DNAH11: variants seen among roughly 807,000 people sequenced by gnomAD.
DNAH11 encodes axonemal beta dynein heavy chain 11.
Under a neutral mutation model 526.0 loss-of-function variants are expected in DNAH11, and 442 were observed. That is an observed-to-expected ratio of 0.84 (90% CI 0.78 to 0.91). The LOEUF (loss-of-function observed/expected upper bound fraction) is 0.91, where lower values mean the gene tolerates loss of function less well. Ranked by LOEUF, DNAH11 falls within the 40% of genes least tolerant of loss-of-function variation. The pLI, the probability that DNAH11 is intolerant of heterozygous loss-of-function variation, is 0.00. For missense variants in DNAH11, 6,989 were observed against 5,448.7 expected (o/e 1.28, Z -8.90); for synonymous variants, 2,461 against 1,935.9 (o/e 1.27, Z -7.12).
At chr7:21,860,667 A>C (rs79506081) in intron 68 of DNAH11, among the ~76,000 whole-genome samples, 1 of 152,316 alleles carries the variant, frequency 6.6e-6, no homozygotes, top group East Asian at 1.9e-4. Context: ...CCTTGATATT[A>C]TCCTAATTCA....
At chr7:21,880,667 A>G (rs1783886140) in intron 74 of DNAH11, 35 bp from the exon 75 acceptor site, 22 of 1,610,548 alleles carry the variant, frequency 1.4e-5, no homozygotes, top group Non-Finnish European at 1.8e-5. Flanking sequence ...AACCATACAG[A>G]TGGATAATCA....
chr7:21,635,538 A>G (rs1263997121), intron 25 of DNAH11, among the ~76,000 whole-genome samples: 1 of 152,152 alleles, frequency 6.6e-6, no homozygotes, highest in Non-Finnish European at 1.5e-5. Context: ...GCAATGAAAG[A>G]ATACAGTTTA....
intron 55 of DNAH11, 69 bp downstream of exon 55, chr7:21,765,658 ACT>A (rs1554278822): frequency 3.6e-5 from 49 of 1,362,752 alleles, no homozygotes; most frequent in Admixed American, 5.1e-5. Context: ...ACACACACAC[ACT>A]CTGAAAATCC....
chr7:21,856,416 C>G (rs958974610), intron 68 of DNAH11, among the ~76,000 whole-genome samples: 4 of 152,106 alleles, frequency 2.6e-5, no homozygotes, highest in Admixed American at 6.5e-5. Flanking sequence ...TTCTAACAAG[C>G]ACAGTGTGGT....
At chr7:21,558,428 T>C (rs1270305212) in intron 2 of DNAH11, among the ~76,000 whole-genome samples, 4 of 152,244 alleles carry the variant, frequency 2.6e-5, no homozygotes, top group Admixed American at 6.5e-5. Context: ...AATTTACTTC[T>C]AGCTTCCATA....
rs368833424 is a variant in DNAH11, at chr7:21,742,158, G to T, written c.8146G>T (p.Val2716Phe). ...CTTTAATCTGAGAGATTTATCAAAC[G>T]TCTTCCAGGTACCTTGACTGCTCTA... ...YIFNLRDLSN[V>F]FQGILFASPE... Residue 2716 changes from valine to phenylalanine, a missense_variant, in exon 49 of 82, where the codon GTC becomes TTC. Transcript: ENST00000409508. 1 of 1,613,590 alleles carries T rather than the reference G, an allele frequency of 6.2e-7. No homozygotes were observed. Among genetic ancestry groups the T allele is most frequent in the African/African-American group, 1.3e-5 (1 of 74,984 alleles).
chr7:21,685,500 T>C (rs779717133), intron 32 of DNAH11, among the ~76,000 whole-genome samples: 1 of 152,210 alleles, frequency 6.6e-6, no homozygotes, highest in Non-Finnish European at 1.5e-5. Flanking sequence ...ATTCTTTGAA[T>C]TATTTACTAA....
In DNAH11 at chr7:21,711,873, TTTTG is replaced by T. The variant is rs1392030897; in HGVS notation, c.6983+17_6983+20del. On this transcript the variant is annotated intron_variant, in intron 42 of 81. Coordinates refer to ENST00000409508, the MANE Select transcript of DNAH11 (RefSeq NM_001277115.2). Reference sequence around the variant, plus strand: ...TGGGCTGGAATCCGTGAGTATTTCTTTTTGTTTTATTGTAGTAAATTGTATGTAA... The same window carrying T: ...TGGGCTGGAATCCGTGAGTATTTCTTTTTTATTGTAGTAAATTGTATGTAA... The T allele has an allele frequency of 3.1e-6, 5 of 1,593,200 alleles. No homozygotes were observed. The East Asian group carries it at 1.1e-4, about 36-fold the overall frequency.
intron 63 of DNAH11, among the ~76,000 whole-genome samples, chr7:21,814,349 A>ATTT (rs923471274): frequency 4.2e-5 from 6 of 143,186 alleles, no homozygotes; most frequent in Admixed American, 4.0e-4. Context: ...TTATTTATTT[A>ATTT]TTTTTTTTTT....
At chr7:21,728,322 A>G (rs1234693044) in intron 45 of DNAH11, among the ~76,000 whole-genome samples, 1 of 132,302 alleles carries the variant, frequency 7.6e-6, no homozygotes, top group Non-Finnish European at 1.5e-5. Context: ...CAGTGGTGCA[A>G]TCTTGGCTCA....
chr7:21,885,397 ACT>A (rs1386398662), intron 76 of DNAH11, among the ~76,000 whole-genome samples: 1 of 151,388 alleles, frequency 6.6e-6, no homozygotes, highest in Non-Finnish European at 1.5e-5. Flanking sequence ...ACACATAAAG[ACT>A]CTTAAAAAGC....
chr7:21,600,747 C>A lies in DNAH11; in HGVS notation c.3072C>A (p.Ile1024=). The part of the protein sequence containing the change: ...QEIMNRVVNV[I]NKVLDFRNTL... Reference sequence around the variant, plus strand: ...TCATGAACAGAGTGGTGAATGTCATCAACAAAGTCTTAGATTTCAGAAACA... The same window carrying A: ...TCATGAACAGAGTGGTGAATGTCATAAACAAAGTCTTAGATTTCAGAAACA... The change falls in exon 16 of 82, where the codon ATC becomes ATA. Residue 1024 remains isoleucine (I), a synonymous_variant. Coordinates refer to ENST00000409508, the MANE Select transcript of DNAH11 (RefSeq NM_001277115.2). 7 of 1,613,814 alleles carry A rather than the reference C, an allele frequency of 4.3e-6. No homozygotes were observed. The highest frequency in any genetic ancestry group is 5.9e-6 in the Non-Finnish European group (7 of 1,179,816).
At chr7:21,595,967 G>T (rs1784844477) in intron 14 of DNAH11, among the ~76,000 whole-genome samples, 1 of 152,136 alleles carries the variant, frequency 6.6e-6, no homozygotes, top group Admixed American at 6.6e-5. Context: ...TGAAGAAAGG[G>T]TTCGGAGGGT....
intron 26 of DNAH11, 101 bp from the exon 27 acceptor site, chr7:21,637,510 C>T: frequency 2.4e-6 from 2 of 823,148 alleles, no homozygotes; most frequent in Non-Finnish European, 2.0e-6. Context: ...TTGACCTTGC[C>T]TCTTCATTCT....
chr7:21,715,265 T>C (rs1432695459), intron 42 of DNAH11, among the ~76,000 whole-genome samples: 1 of 152,210 alleles, frequency 6.6e-6, no homozygotes, highest in African/African-American at 2.4e-5. Flanking sequence ...TTCAGAGGTC[T>C]GAGAACTTTG....
chr7:21,619,885 T>A lies in DNAH11; in HGVS notation c.4378-71T>A, dbSNP rs1785956570. On this transcript the variant is annotated intron_variant, in intron 24 of 81. Transcript: ENST00000409508. ...ATTTTTGAAAGTTGAAAAAAATTAA[T>A]TCCAGATAATAGTCTACATATTGAT... 4.2e-6 allele frequency: 6 copies of A among 1,433,702 alleles called. No individual in the cohort carries two copies. In the South Asian group the frequency reaches 8.0e-5, roughly 19 times the overall value. 88.8% of individuals were successfully genotyped at this position (1,433,702 alleles called of 1,614,324 possible).
intron 18 of DNAH11, among the ~76,000 whole-genome samples, chr7:21,604,035 G>T (rs1484516727): frequency 1.3e-5 from 2 of 152,146 alleles, no homozygotes; most frequent in African/African-American, 4.8e-5. Flanking sequence ...TATTTGGAGG[G>T]TAACGAGGCC....
Position 21,570,267 on chromosome 7 carries a change from G to A in DNAH11, c.1393G>A (p.Asp465Asn). 1 of 1,609,728 alleles carries A rather than the reference G, an allele frequency of 6.2e-7. No homozygotes were observed. The highest frequency in any genetic ancestry group is 8.5e-7 in the Non-Finnish European group (1 of 1,178,774). The change falls in exon 7 of 82, where the codon GAC becomes AAC. Residue 465 changes from aspartate to asparagine, a missense_variant. Coordinates refer to ENST00000409508, the MANE Select transcript of DNAH11 (RefSeq NM_001277115.2). ...GTCTCATCTGGTGTTTTGCAGATTT[G>A]ACAAGTTTCTTGATCGTTTAATAAA... ...FQSHLVFCRFDKFLDRLIKIE... is the reference protein window; with the variant it reads ...FQSHLVFCRFNKFLDRLIKIE...
At chr7:21,626,375 C>G (rs979420746) in intron 25 of DNAH11, among the ~76,000 whole-genome samples, 8 of 152,200 alleles carry the variant, frequency 5.3e-5, no homozygotes, top group Middle Eastern at 3.4e-3. Flanking sequence ...GCACTTAGGT[C>G]AATTCTGTAT....
Sources: allele counts gnomAD v4.1 joint callset (sites outside exome capture counted in the v4.1 genomes callset), GRCh38; gene constraint gnomAD v4.1.1; transcripts MANE v1.5; gene names NCBI Gene and HGNC (gene_info 2026-07-23, HGNC 2026-07-21).